Variants in GRIK4 observed in about 807,000 individuals in gnomAD.
GRIK4 encodes the protein glutamate receptor ionotropic, kainate 4.
In GRIK4, 40 loss-of-function variants were observed where a neutral mutation model predicts 104.9. That is an observed-to-expected ratio of 0.38 (90% CI 0.30 to 0.50). The LOEUF is 0.50. Ranked by LOEUF, GRIK4 falls within the 20% of genes least tolerant of loss-of-function variation. GRIK4 has a pLI of 0.93. For missense variants in GRIK4, 1,047 were observed against 1,308.1 expected (o/e 0.80, Z 3.08); for synonymous variants, 485 against 524.9 (o/e 0.92, Z 1.04).
chr11:120,888,055 C>G (rs752823831), intron 11 of GRIK4, among the ~76,000 whole-genome samples: 13 of 152,260 alleles, frequency 8.5e-5, no homozygotes, highest in Middle Eastern at 3.4e-3. Flanking sequence ...CCTCCCCTTC[C>G]TCAAGCTTTA....
At chr11:120,616,146 G>T (rs1404944354) in intron 1 of GRIK4, among the ~76,000 whole-genome samples, 1 of 152,130 alleles carries the variant, frequency 6.6e-6, no homozygotes, top group Non-Finnish European at 1.5e-5. Flanking sequence ...TTGTTGGGGT[G>T]GGGATGGGGC....
At chr11:120,723,995 G>T (rs762684271) in intron 3 of GRIK4, among the ~76,000 whole-genome samples, 2 of 151,756 alleles carry the variant, frequency 1.3e-5, no homozygotes, top group African/African-American at 4.8e-5. Flanking sequence ...GGCAACCACT[G>T]ATCTGTTTTC....
At position 120,620,346 on chromosome 11, in the gene GRIK4, C is replaced by T. The variant is rs193266502; in HGVS notation, c.-158-33339C>T. 1.6e-4 allele frequency: 95 copies of T among 602,672 alleles called. No individual in the cohort carries two copies. In the East Asian group the frequency reaches 2.5e-3, roughly 16 times the overall value. The allele number at this position is 602,672 out of a possible 1,614,324, so 37.3% of individuals were successfully genotyped here. A position where few individuals can be genotyped will look rare whatever the true frequency, so the allele number is the denominator to read the frequency against. ...CCAGAGTTCTTTTTCTGCCCCAGCT[C>T]GAGACTCACTTGTCTCGAGCCACCA... is the stretch of plus-strand genomic sequence containing the variant. On this transcript the variant is annotated intron_variant, in intron 1 of 20. Transcript: ENST00000527524.
At chr11:120,976,108 TTC>T (rs1257791753) in intron 19 of GRIK4, among the ~76,000 whole-genome samples, 1 of 152,210 alleles carries the variant, frequency 6.6e-6, no homozygotes, top group Non-Finnish European at 1.5e-5. Flanking sequence ...TTCTCTGAAT[TTC>T]TCTTTCTTTA....
intron 3 of GRIK4, among the ~76,000 whole-genome samples, chr11:120,755,724 A>G (rs557473667): frequency 3.3e-5 from 5 of 152,248 alleles, no homozygotes; most frequent in African/African-American, 1.2e-4. Context: ...CTGCTTGTGA[A>G]GGTCCCTCAA....
chr11:120,727,651 C>T (rs537239179), intron 3 of GRIK4, among the ~76,000 whole-genome samples: 9 of 151,686 alleles, frequency 5.9e-5, no homozygotes, highest in East Asian at 1.9e-4. Context: ...CACTGTTTCA[C>T]GATGAGCTCA....
chr11:120,747,273 G>A (rs528228509), intron 3 of GRIK4, among the ~76,000 whole-genome samples: 3 of 152,220 alleles, frequency 2.0e-5, no homozygotes, highest in East Asian at 1.9e-4. Context: ...CTATTAATCC[G>A]CTGGTCTTTA....
intron 8 of GRIK4, among the ~76,000 whole-genome samples, chr11:120,843,953 C>G (rs181232200): frequency 6.6e-6 from 1 of 152,254 alleles, no homozygotes; most frequent in East Asian, 1.9e-4. Flanking sequence ...GTGAGCCCTG[C>G]AGAAATAACC....
intron 3 of GRIK4, among the ~76,000 whole-genome samples, chr11:120,776,810 G>A (rs959852310): frequency 3.9e-5 from 6 of 152,198 alleles, no homozygotes; most frequent in Non-Finnish European, 5.9e-5. Flanking sequence ...AGCACCTGGC[G>A]GTGTGGGTCT....
chr11:120,816,917 C>CA (rs1278178402), intron 5 of GRIK4, among the ~76,000 whole-genome samples: 1 of 152,124 alleles, frequency 6.6e-6, no homozygotes, highest in African/African-American at 2.4e-5. Flanking sequence ...GCCCAGGCCA[C>CA]AGAGGAGCTC....
chr11:120,631,115 C>T (rs1429947470), intron 1 of GRIK4, among the ~76,000 whole-genome samples: 2 of 152,250 alleles, frequency 1.3e-5, no homozygotes, highest in Admixed American at 1.3e-4. Context: ...CAGAGATGCA[C>T]ACATAGCACT....
At position 120,609,404 on chromosome 11, in the gene GRIK4, C is replaced by T. The variant is rs181285288; in HGVS notation, c.-158-44281C>T. Reference sequence around the variant, plus strand: ...AGTAGCTGGGACCATGGTCATGTGCCTCCACTCCTGGCTGTTTGAGACATT... The same window carrying T: ...AGTAGCTGGGACCATGGTCATGTGCTTCCACTCCTGGCTGTTTGAGACATT... On this transcript the variant is annotated intron_variant, in intron 1 of 20. Coordinates refer to ENST00000527524, the MANE Select transcript of GRIK4 (RefSeq NM_014619.5). Among the ~76,000 whole-genome samples, 905 of 151,956 alleles carry T rather than the reference C, an allele frequency of 6.0e-3. 7 individuals carry two copies. Among genetic ancestry groups the T allele is most frequent in the Middle Eastern group, 0.028 (8 of 290 alleles).
At chr11:120,746,562 G>T (rs866327296) in intron 3 of GRIK4, among the ~76,000 whole-genome samples, 43 of 152,300 alleles carry the variant, frequency 2.8e-4, no homozygotes, top group African/African-American at 9.6e-4. Flanking sequence ...AACGAATGTG[G>T]AGTGGTAACA....
intron 1 of GRIK4, among the ~76,000 whole-genome samples, chr11:120,515,261 AT>A (rs1947712141): frequency 6.6e-6 from 1 of 152,142 alleles, no homozygotes; most frequent in Non-Finnish European, 1.5e-5. Flanking sequence ...GCTACCAAGT[AT>A]CAGGCAGACC....
intron 2 of GRIK4, among the ~76,000 whole-genome samples, chr11:120,654,406 C>T (rs1024969623): frequency 1.3e-5 from 2 of 152,044 alleles, no homozygotes; most frequent in Non-Finnish European, 2.9e-5. Context: ...CTCTGTTGCC[C>T]AGGGTGAAGT....
At chr11:120,752,518 C>T (rs1196511857) in intron 3 of GRIK4, among the ~76,000 whole-genome samples, 2 of 152,230 alleles carry the variant, frequency 1.3e-5, no homozygotes, top group Non-Finnish European at 2.9e-5. Flanking sequence ...CCACCCCTTC[C>T]CTGAGCCCAG....
intron 3 of GRIK4, among the ~76,000 whole-genome samples, chr11:120,758,111 C>T (rs146148179): frequency 3.5e-4 from 53 of 152,274 alleles, no homozygotes; most frequent in South Asian, 6.2e-4. Flanking sequence ...CAGCACAGTC[C>T]ATGCCCCTCA....
At chr11:120,724,547 G>A (rs1950994296) in intron 3 of GRIK4, among the ~76,000 whole-genome samples, 2 of 152,174 alleles carry the variant, frequency 1.3e-5, no homozygotes, top group Admixed American at 1.3e-4. Context: ...GCCCGGCCTG[G>A]TACTGGGTAC....
chr11:120,699,539 ATGTGTGTGTGTGTGTGTGTG>A (rs57345739), intron 3 of GRIK4, among the ~76,000 whole-genome samples: 2,450 of 145,196 alleles, frequency 0.017, 31 homozygotes, highest in Non-Finnish European at 0.026. Flanking sequence ...AGGTGTGTGT[ATGTGTGTGTGTGTGTGTGTG>A]TGTGTGTGTG....
Sources: allele counts gnomAD v4.1 joint callset (sites outside exome capture counted in the v4.1 genomes callset), GRCh38; gene constraint gnomAD v4.1.1; transcripts MANE v1.5; gene names NCBI Gene and HGNC (gene_info 2026-07-23, HGNC 2026-07-21).